The following BCO1 variants were observed in gnomAD, a reference collection of about 807,000 sequenced individuals.
The protein encoded by BCO1 is beta,beta-carotene 15,15'-dioxygenase.
Under a neutral mutation model 56.3 loss-of-function variants are expected in BCO1, and 54 were observed. That is an observed-to-expected ratio of 0.96 (90% CI 0.77 to 1.20). The LOEUF is 1.20. BCO1 is among the 50% of genes most tolerant of loss of function. The probability of loss-of-function intolerance (pLI) is 0.00; values close to 1 mark genes in which losing one functional copy is unlikely to be tolerated. For missense variants in BCO1, 801 were observed against 690.9 expected (o/e 1.16, Z -1.79); for synonymous variants, 318 against 266.1 (o/e 1.20, Z -1.90).
intron 8 of BCO1, among the ~76,000 whole-genome samples, chr16:81,283,050 G>A (rs1315695233): frequency 2.6e-5 from 4 of 152,174 alleles, no homozygotes; most frequent in Non-Finnish European, 1.5e-5. Flanking sequence ...GCAGAGCCAG[G>A]TTCTGACCCC....
At chr16:81,289,556 G>A (rs1470538201) in intron 10 of BCO1, among the ~76,000 whole-genome samples, 1 of 152,186 alleles carries the variant, frequency 6.6e-6, no homozygotes, top group Non-Finnish European at 1.5e-5. Flanking sequence ...TGGGAGGATA[G>A]CTTGAGCCCA....
At position 81,268,151 on chromosome 16, in the gene BCO1, T is replaced by C. The variant is rs1906952154; in HGVS notation, c.843+20T>C. Reference sequence around the variant, plus strand: ...GAGAAGGTGAGGTCTGGCTGGACTCTAGCCCAGTGGGTGCTGGCTGACCAT... The same window carrying C: ...GAGAAGGTGAGGTCTGGCTGGACTCCAGCCCAGTGGGTGCTGGCTGACCAT... On this transcript the variant is annotated intron_variant, in intron 6 of 10. Coordinates refer to ENST00000258168, the MANE Select transcript of BCO1 (RefSeq NM_017429.3). The C allele has an allele frequency of 6.3e-7, 1 of 1,594,312 alleles. No homozygotes were observed. Among genetic ancestry groups the C allele is most frequent in the Non-Finnish European group, 8.5e-7 (1 of 1,171,274 alleles).
At chr16:81,254,285 C>T (rs888794933) in intron 2 of BCO1, among the ~76,000 whole-genome samples, 62 of 148,662 alleles carry the variant, frequency 4.2e-4, no homozygotes, top group Non-Finnish European at 3.7e-4. Context: ...CGTGCCACCA[C>T]GCCCGGCTAA....
intron 2 of BCO1, among the ~76,000 whole-genome samples, chr16:81,253,850 T>C (rs1905960123): frequency 6.6e-6 from 1 of 151,992 alleles, no homozygotes. Flanking sequence ...ATAGTCCCAG[T>C]TACTTGGGAA....
intron 2 of BCO1, among the ~76,000 whole-genome samples, chr16:81,251,964 G>A (rs1345338723): frequency 6.6e-6 from 1 of 151,826 alleles, no homozygotes; most frequent in Middle Eastern, 3.4e-3. Flanking sequence ...CCAGGCAGGA[G>A]CACGTCTGTT....
chr16:81,266,527 C>T (rs550571720), intron 5 of BCO1, among the ~76,000 whole-genome samples: 1 of 152,236 alleles, frequency 6.6e-6, no homozygotes, highest in South Asian at 2.1e-4. Flanking sequence ...AGATATGAGC[C>T]TTCGAGGTCA....
At chr16:81,269,323 A>T in intron 6 of BCO1, among the ~76,000 whole-genome samples, 1 of 145,320 alleles carries the variant, frequency 6.9e-6, no homozygotes, top group Non-Finnish European at 1.5e-5. Flanking sequence ...TTTCAGATAG[A>T]GTCTCACTCT....
chr16:81,273,624 T>A (rs1907374088), intron 7 of BCO1, among the ~76,000 whole-genome samples: 1 of 146,240 alleles, frequency 6.8e-6, no homozygotes, highest in Non-Finnish European at 1.5e-5. Flanking sequence ...CACCTCTACT[T>A]AACATTTAAA....
Position 81,270,350 on chromosome 16 carries a change from G to C in BCO1, c.1035G>C (p.Lys345Asn), listed in dbSNP as rs375079645. ...FYLANLNQDF[K>N]ENSRLTSVPT... ...TGGCCAACCTGAACCAGGACTTCAA[G>C]GAGAACTCCAGGCTCACCTCGGTCC... Residue 345 changes from lysine (K) to asparagine (N), a missense_variant, in exon 7 of 11, where the codon AAG (lysine) becomes AAC (asparagine). Lys to Asn is a moderately conservative substitution (Grantham distance 94). Coordinates refer to ENST00000258168, the MANE Select transcript of BCO1 (RefSeq NM_017429.3). The C allele has an allele frequency of 2.5e-6, 4 of 1,613,986 alleles. No homozygotes were observed. The highest frequency in any genetic ancestry group is 3.4e-6 in the Non-Finnish European group (4 of 1,180,028).
intron 7 of BCO1, among the ~76,000 whole-genome samples, chr16:81,275,159 G>A (rs944116609): frequency 4.5e-4 from 68 of 152,230 alleles, no homozygotes; most frequent in Admixed American, 3.9e-3. Context: ...CTGGAGAAGC[G>A]ACTTCAGGAA....
Position 81,272,839 on chromosome 16 carries a change from C to T in BCO1, c.1101+2423C>T, listed in dbSNP as rs1443194838. Reference sequence around the variant, plus strand: ...GATCAAAACAACCTGTGGGAAACGTCCCTGTAGAAGCCTCATTTTACAGAT... The same window carrying T: ...GATCAAAACAACCTGTGGGAAACGTTCCTGTAGAAGCCTCATTTTACAGAT... On this transcript the variant is annotated intron_variant, in intron 7 of 10. Coordinates refer to ENST00000258168, the MANE Select transcript of BCO1 (RefSeq NM_017429.3). 2.6e-5 allele frequency among the ~76,000 whole-genome samples: 4 copies of T among 152,200 alleles called. No homozygotes were observed. The East Asian group carries it at 7.7e-4, about 29-fold the overall frequency.
At chr16:81,280,269 CAAAAAAAAAAAAAAAAAAAAAAAA>C (rs58607661) in intron 7 of BCO1, among the ~76,000 whole-genome samples, 3 of 36,886 alleles carry the variant, frequency 8.1e-5, no homozygotes, top group South Asian at 2.2e-3. Context: ...GACTCCATCT[CAAAAAAAAAAAAAAAAAAAAAAAA>C]AAAAAAAAAA....
rs199834539 is a variant in BCO1, at chr16:81,262,220, C to T, written c.408C>T (p.Tyr136=). Residue 136 remains tyrosine (Y), a synonymous_variant, in exon 4 of 11, where the codon TAC becomes TAT. Coordinates refer to ENST00000258168, the MANE Select transcript of BCO1 (RefSeq NM_017429.3). ...TCATGAAGTGCGGAGAAGACTTCTA[C>T]GCGACCTCAGAGACCAATTACATCA... The part of the protein sequence containing the change: ...INIMKCGEDF[Y]ATSETNYIRK... 13 of 1,613,774 alleles carry T rather than the reference C, an allele frequency of 8.1e-6. No homozygotes were observed. The highest frequency in any genetic ancestry group is 1.7e-5 in the Admixed American group (1 of 59,990).
intron 10 of BCO1, among the ~76,000 whole-genome samples, chr16:81,289,619 C>T (rs974831836): frequency 3.9e-5 from 6 of 152,162 alleles, no homozygotes; most frequent in African/African-American, 1.4e-4. Flanking sequence ...CTAGCCTGGG[C>T]AACAGAGTAA....
intron 9 of BCO1, among the ~76,000 whole-genome samples, chr16:81,286,464 A>C (rs1262154296): frequency 6.6e-6 from 1 of 152,208 alleles, no homozygotes; most frequent in Non-Finnish European, 1.5e-5. Flanking sequence ...CCCTTAAAGC[A>C]ACAAAGGGGT....
In BCO1 at chr16:81,280,967, A is replaced by T. The variant is rs1907848087; in HGVS notation, c.1207+5A>T. ...AGCCGGAATTTCTTTATGAAGGTAA[A>T]ATGCATCCTCTTGTCCTGAGTTTAG... On this transcript the variant is annotated splice_donor_5th_base_variant and intron_variant, in intron 8 of 10. Transcript: ENST00000258168. The T allele has an allele frequency of 6.2e-7, 1 of 1,603,882 alleles. No homozygotes were observed. Among genetic ancestry groups the T allele is most frequent in the African/African-American group, 1.3e-5 (1 of 74,882 alleles).
chr16:81,290,219 T>C (rs1207418884), intron 10 of BCO1, 129 bp from the exon 11 acceptor site: 3 of 831,540 alleles, frequency 3.6e-6, no homozygotes, highest in Non-Finnish European at 6.0e-6. Context: ...TTACAGTGTC[T>C]CAAATTCACT....
In BCO1 at chr16:81,290,582, G is replaced by A. The variant is rs1456587194; in HGVS notation, c.*5G>A. 1.2e-6 allele frequency: 2 copies of A among 1,610,734 alleles called. No individual in the cohort carries two copies. Among genetic ancestry groups the A allele is most frequent in the Admixed American group, 1.7e-5 (1 of 60,016 alleles). On this transcript the variant is annotated 3_prime_UTR_variant, in exon 11 of 11. Transcript: ENST00000258168. ...CACGGGGCTCCTCTGACCTGATGGT[G>A]TTGGGGTTTGGGTAGGGGAGGGGAG...
Position 81,287,391 on chromosome 16 carries a change from A to C in BCO1, c.1399A>C (p.Lys467Gln). Residue 467 changes from lysine to glutamine, a missense_variant, in exon 10 of 11, where the codon AAG becomes CAG. Lys to Gln is a moderately conservative substitution (Grantham distance 53). Coordinates refer to ENST00000258168, the MANE Select transcript of BCO1 (RefSeq NM_017429.3). Reference protein sequence around the residue: ...EPLFVPAPGAKDEDDGVILSA... With the variant: ...EPLFVPAPGAQDEDDGVILSA... ...CCTGTTTGTGCCCGCGCCAGGTGCC[A>C]AGGATGAGGATGACGGTAAGACTCT... The C allele has an allele frequency of 6.2e-7, 1 of 1,613,878 alleles. No individual in the cohort carries two copies. Among genetic ancestry groups the C allele is most frequent in the Non-Finnish European group, 8.5e-7 (1 of 1,179,860 alleles).
Sources: allele counts gnomAD v4.1 joint callset (sites outside exome capture counted in the v4.1 genomes callset), GRCh38; gene constraint gnomAD v4.1.1; transcripts MANE v1.5; gene names NCBI Gene and HGNC (gene_info 2026-07-23, HGNC 2026-07-21).